Variants in DNAI7 observed in about 807,000 individuals in gnomAD.
The protein encoded by DNAI7 is dynein axonemal intermediate chain 7.
DNAI7 carries 78 observed loss-of-function variants against 86.6 expected under a neutral mutation model. The observed-to-expected ratio is 0.90, with a 90% CI of 0.75 to 1.09. The LOEUF is 1.09. DNAI7 is among the 50% of genes least tolerant of loss of function. DNAI7 has a pLI of 0.00. For synonymous variants in DNAI7, 274 were observed against 273.0 expected (o/e 1.00, Z -0.04); for missense variants, 753 against 810.2 (o/e 0.93, Z 0.86).
At chr12:25,149,304 A>C (rs2140910727) in intron 7 of DNAI7, among the ~76,000 whole-genome samples, 1 of 152,248 alleles carries the variant, frequency 6.6e-6, no homozygotes, top group African/African-American at 2.4e-5. Context: ...TTTGGCGGGG[A>C]GCAGTGGCTC....
chr12:25,112,394 A>G (rs1364242731), intron 13 of DNAI7, among the ~76,000 whole-genome samples: 1 of 141,726 alleles, frequency 7.1e-6, no homozygotes, highest in Non-Finnish European at 1.5e-5. Flanking sequence ...TAGAATTCAC[A>G]TCTGGTTTTT....
intron 9 of DNAI7, among the ~76,000 whole-genome samples, chr12:25,129,772 T>TA (rs1477167541): frequency 2.6e-5 from 4 of 151,214 alleles, no homozygotes; most frequent in African/African-American, 9.8e-5. Context: ...TTTTTATTTT[T>TA]TTTTTTTGAC....
chr12:25,160,324 G>A (rs991223915), intron 3 of DNAI7, among the ~76,000 whole-genome samples: 15 of 152,134 alleles, frequency 9.9e-5, no homozygotes, highest in Admixed American at 3.3e-4. Flanking sequence ...TCTCTTCAAA[G>A]AATTAATATG....
chr12:25,110,197 A>G lies in DNAI7; in HGVS notation c.1823T>C (p.Leu608Pro), dbSNP rs1592157184. 1.9e-6 allele frequency: 3 copies of G among 1,612,590 alleles called. No homozygotes were observed. Among genetic ancestry groups the G allele is most frequent in the Non-Finnish European group, 2.5e-6 (3 of 1,178,604 alleles). The change falls in exon 15 of 16, where the codon CTA becomes CCA. Residue 608 changes from leucine to proline, a missense_variant. By Grantham distance (98) the Leu-to-Pro change is moderately conservative. Transcript: ENST00000395987. ...EVKAYRQMAL[L>P]SSAFAFGWSK... The stretch of plus-strand genomic sequence containing the variant: ...CCAACCAAATGCAAAAGCAGAACTT[A>G]GTAGGGCCATCTGTCGATAAGCTTT...
intron 8 of DNAI7, among the ~76,000 whole-genome samples, 173 bp from the exon 9 acceptor site, chr12:25,144,850 C>A (rs1944629200): frequency 6.6e-6 from 1 of 152,092 alleles, no homozygotes; most frequent in African/African-American, 2.4e-5. Flanking sequence ...CTATCCTTCT[C>A]AAAACAGTTT....
At chr12:25,117,936 T>TC (rs1940466350) in intron 12 of DNAI7, among the ~76,000 whole-genome samples, 1 of 70,914 alleles carries the variant, frequency 1.4e-5, no homozygotes, top group Non-Finnish European at 3.9e-5. Context: ...TATTTTCTTT[T>TC]TCTTTTTTTT....
At position 25,108,443 on chromosome 12, in the gene DNAI7, G is replaced by A; in HGVS notation, c.*105C>T. 1.0e-6 allele frequency: 1 copy of A among 965,952 alleles called. No individual in the cohort carries two copies. The highest frequency in any genetic ancestry group is 1.4e-6 in the Non-Finnish European group (1 of 691,474). 59.8% of individuals were successfully genotyped at this position (965,952 alleles called of 1,614,324 possible). On this transcript the variant is annotated 3_prime_UTR_variant, in exon 16 of 16. Coordinates refer to ENST00000395987, the MANE Select transcript of DNAI7 (RefSeq NM_018272.5). ...AATGCAGATTAGAAAATTTTTAATA[G>A]TTGATTTGAAATGTATTCATTCACT...
intron 13 of DNAI7, among the ~76,000 whole-genome samples, chr12:25,112,808 C>T (rs1354282962): frequency 1.3e-5 from 2 of 152,118 alleles, no homozygotes; most frequent in Non-Finnish European, 2.9e-5. Flanking sequence ...TGAGAGTTTA[C>T]ATTTTTTTCT....
chr12:25,123,080 A>G, intron 10 of DNAI7, 131 bp downstream of exon 10: 1 of 606,758 alleles, frequency 1.6e-6, no homozygotes, highest in Non-Finnish European at 2.8e-6. Context: ...ATCTCAGAAA[A>G]GGGACTATGA....
chr12:25,191,730 G>C (rs1304644048), intron 1 of DNAI7, among the ~76,000 whole-genome samples: 1 of 151,972 alleles, frequency 6.6e-6, no homozygotes, highest in Non-Finnish European at 1.5e-5. Flanking sequence ...AAATAAAGCA[G>C]GTAAAGCTAT....
At chr12:25,137,472 A>T (rs1415650536) in intron 9 of DNAI7, among the ~76,000 whole-genome samples, 1 of 152,142 alleles carries the variant, frequency 6.6e-6, no homozygotes, top group African/African-American at 2.4e-5. Context: ...ATAACACAAC[A>T]TAAAAACAAA....
At position 25,147,053 on chromosome 12, in the gene DNAI7, T is replaced by C; in HGVS notation, c.637A>G (p.Lys213Glu). 1 of 1,609,932 alleles carries C rather than the reference T, an allele frequency of 6.2e-7. No homozygotes were observed. The highest frequency in any genetic ancestry group is 1.3e-5 in the African/African-American group (1 of 74,976). ...ACATACAGAGTAACATTTTCATCTT[T>C]AATGACTTTTTCCATATTTCCACTG... is the stretch of plus-strand genomic sequence containing the variant. ...LDSGNMEKVI[K>E]DENVTLYVWA... is the part of the protein sequence containing the mutation. The change falls in exon 8 of 16, where the codon AAA (lysine) becomes GAA (glutamate). Residue 213 changes from lysine (K) to glutamate (E), a missense_variant. Transcript: ENST00000395987.
chr12:25,158,374 A>G, intron 4 of DNAI7, 98 bp downstream of exon 4: 1 of 904,210 alleles, frequency 1.1e-6, no homozygotes, highest in Non-Finnish European at 1.7e-6. Context: ...AGGCCTAAAT[A>G]TTACTGGTAG....
At chr12:25,190,160 G>A (rs1006444046) in intron 2 of DNAI7, among the ~76,000 whole-genome samples, 1 of 152,080 alleles carries the variant, frequency 6.6e-6, no homozygotes, top group African/African-American at 2.4e-5. Context: ...ATTGTTTATT[G>A]AACTCAAATT....
At chr12:25,142,382 C>G (rs997414597) in intron 9 of DNAI7, among the ~76,000 whole-genome samples, 1 of 152,066 alleles carries the variant, frequency 6.6e-6, no homozygotes, top group African/African-American at 2.4e-5. Context: ...AAAGACTACA[C>G]AATGGGTAGT....
intron 2 of DNAI7, among the ~76,000 whole-genome samples, chr12:25,162,304 G>A (rs1946919796): frequency 6.6e-6 from 1 of 152,178 alleles, no homozygotes; most frequent in African/African-American, 2.4e-5. Context: ...TGGCAGTCCA[G>A]AACAGGTGAA....
At chr12:25,141,837 GA>G (rs71065912) in intron 9 of DNAI7, among the ~76,000 whole-genome samples, 102,794 of 148,514 alleles carry the variant, frequency 0.69, 39,089 homozygotes, top group East Asian at 0.99. Flanking sequence ...CTCAAAAAAA[GA>G]AAAAAAAAAG....
intron 11 of DNAI7, among the ~76,000 whole-genome samples, chr12:25,120,912 G>C (rs116339108): frequency 1.3e-5 from 2 of 152,162 alleles, no homozygotes; most frequent in African/African-American, 4.8e-5. Context: ...ATATGCATAG[G>C]AGTTACCTGG....
Position 25,144,506 on chromosome 12 carries a change from G to C in DNAI7, c.861C>G (p.Val287=). 1 of 1,613,968 alleles carries C rather than the reference G, an allele frequency of 6.2e-7. No homozygotes were observed. Among genetic ancestry groups the C allele is most frequent in the Non-Finnish European group, 8.5e-7 (1 of 1,179,986 alleles). Reference sequence around the variant, plus strand: ...TTTCTACATTCTTAACATCATCTTTGACAAGCTCAGTTACTGCAGAAGTGT... The same window carrying C: ...TTTCTACATTCTTAACATCATCTTTCACAAGCTCAGTTACTGCAGAAGTGT... ...KEYTSAVTEL[V]KDDVKNVEKA... Residue 287 remains valine, a synonymous_variant, in exon 9 of 16, where the codon GTC becomes GTG. Transcript: ENST00000395987.
Sources: gnomAD v4.1 joint callset for allele counts (sites outside exome capture counted in the v4.1 genomes callset) on GRCh38, gnomAD v4.1.1 for gene constraint, MANE v1.5 for transcripts, NCBI Gene and HGNC (gene_info 2026-07-23, HGNC 2026-07-21) for gene names.